B3GALT1: variants seen among roughly 807,000 people sequenced by gnomAD.
B3GALT1 encodes beta-1,3-galactosyltransferase 1, also known as UDP-Gal:betaGlcNAc beta 1,3-galactosyltransferase, polypeptide 1.
A neutral mutation model predicts 23.2 loss-of-function variants in B3GALT1; 10 were observed. That is an observed-to-expected ratio of 0.43 (90% CI 0.27 to 0.73). The LOEUF (loss-of-function observed/expected upper bound fraction) is 0.73, where lower values mean the gene tolerates loss of function less well. B3GALT1 is among the 30% of genes least tolerant of loss of function. The pLI, the probability that B3GALT1 is intolerant of heterozygous loss-of-function variation, is 0.21. For synonymous variants in B3GALT1, 156 were observed against 141.5 expected (o/e 1.10, Z -0.73); for missense variants, 299 against 405.4 (o/e 0.74, Z 2.25).
At chr2:167,639,111 T>G (rs953828531) in intron 2 of B3GALT1, among the ~76,000 whole-genome samples, 1 of 151,972 alleles carries the variant, frequency 6.6e-6, no homozygotes, top group Non-Finnish European at 1.5e-5. Context: ...CCATAGGAGC[T>G]CAAATAAAAA....
intron 1 of B3GALT1, among the ~76,000 whole-genome samples, chr2:167,481,258 T>G (rs1406575316): frequency 6.6e-6 from 1 of 152,152 alleles, no homozygotes; most frequent in Non-Finnish European, 1.5e-5. Context: ...AATTCTTCAC[T>G]TAGTTTAATA....
intron 1 of B3GALT1, among the ~76,000 whole-genome samples, chr2:167,423,268 G>C (rs1698574786): frequency 6.6e-6 from 1 of 152,208 alleles, no homozygotes; most frequent in Non-Finnish European, 1.5e-5. Context: ...TACTGAGCCA[G>C]TGTCAGCCCT....
At chr2:167,533,399 A>G (rs1337575562) in intron 2 of B3GALT1, among the ~76,000 whole-genome samples, 5 of 152,056 alleles carry the variant, frequency 3.3e-5, no homozygotes, top group African/African-American at 1.2e-4. Context: ...ATCTATTAAT[A>G]GTGTGACTTT....
intron 1 of B3GALT1, among the ~76,000 whole-genome samples, chr2:167,411,251 C>A (rs191365409): frequency 9.2e-4 from 137 of 148,578 alleles, no homozygotes; most frequent in Admixed American, 3.7e-3. Flanking sequence ...ACAACAACAA[C>A]AAAAATCAAC....
At chr2:167,527,722 T>G (rs1038560041) in intron 2 of B3GALT1, among the ~76,000 whole-genome samples, 3 of 152,198 alleles carry the variant, frequency 2.0e-5, no homozygotes, top group Non-Finnish European at 4.4e-5. Flanking sequence ...TTCATAATCT[T>G]ATACAATCCC....
intron 2 of B3GALT1, among the ~76,000 whole-genome samples, chr2:167,593,306 A>G (rs1487772499): frequency 6.6e-6 from 1 of 152,240 alleles, no homozygotes; most frequent in African/African-American, 2.4e-5. Context: ...ATATATCAAT[A>G]TAGATCCCAA....
intron 3 of B3GALT1, among the ~76,000 whole-genome samples, chr2:167,796,137 C>T (rs931457409): frequency 6.6e-6 from 1 of 152,116 alleles, no homozygotes; most frequent in Non-Finnish European, 1.5e-5. Context: ...GTGAGAAACA[C>T]GTTTATTACT....
chr2:167,833,492 G>GTGAT (rs1689393122), intron 4 of B3GALT1, among the ~76,000 whole-genome samples: 3 of 152,230 alleles, frequency 2.0e-5, no homozygotes. Context: ...AGATGTTTCA[G>GTGAT]TGATAATGAA....
chr2:167,776,888 C>A (rs530280590), intron 3 of B3GALT1, among the ~76,000 whole-genome samples: 2 of 152,166 alleles, frequency 1.3e-5, no homozygotes, highest in African/African-American at 2.4e-5. Context: ...TGAAAAAAAA[C>A]CTTACTTTTA....
intron 3 of B3GALT1, among the ~76,000 whole-genome samples, chr2:167,763,978 A>C (rs886555636): frequency 5.3e-5 from 8 of 152,204 alleles, no homozygotes; most frequent in African/African-American, 1.9e-4. Context: ...TGCTTTTGGA[A>C]ATGAAATCAC....
rs542097336 is a variant in B3GALT1 at position 167,804,548 on chromosome 2, A to G, written c.-351-14124A>G. The stretch of plus-strand genomic sequence containing the variant: ...TGTGTCCATGTGTTCTCATTGTTCA[A>G]TTCCCACCTATGAGTGAGAACATGC... On this transcript the variant is annotated intron_variant, in intron 3 of 4. Coordinates refer to ENST00000392690, the MANE Select transcript of B3GALT1 (RefSeq NM_020981.4). Among the ~76,000 whole-genome samples the G allele has an allele frequency of 5.3e-5, 8 of 151,994 alleles. No homozygotes were observed. In the East Asian group the frequency reaches 9.7e-4, roughly 18 times the overall value.
chr2:167,684,774 GA>G (rs1421168610), intron 3 of B3GALT1, among the ~76,000 whole-genome samples: 1 of 152,182 alleles, frequency 6.6e-6, no homozygotes, highest in Non-Finnish European at 1.5e-5. Context: ...ATTAAAGAAA[GA>G]AAAGGTAACT....
At chr2:167,709,426 T>C (rs1558955670) in intron 3 of B3GALT1, among the ~76,000 whole-genome samples, 1 of 152,156 alleles carries the variant, frequency 6.6e-6, no homozygotes. Context: ...TTTAATAAAA[T>C]CCACAGGTGT....
chr2:167,761,921 C>T (rs780515407), intron 3 of B3GALT1, among the ~76,000 whole-genome samples: 43 of 152,088 alleles, frequency 2.8e-4, no homozygotes, highest in Admixed American at 2.6e-4. Flanking sequence ...ACCTCTTTTT[C>T]GTTGTTGACT....
At position 167,870,021 on chromosome 2, in the gene B3GALT1, G is replaced by C; in HGVS notation, c.*1G>C. ...AAGCAAGAAACATCTCAGATGTTAG[G>C]ATTTTTACCAATGTAAATATGTTTC... On this transcript the variant is annotated 3_prime_UTR_variant, in exon 5 of 5. Transcript: ENST00000392690. 1 of 1,584,644 alleles carries C rather than the reference G, an allele frequency of 6.3e-7. No homozygotes were observed. Among genetic ancestry groups the C allele is most frequent in the Non-Finnish European group, 8.6e-7 (1 of 1,162,452 alleles).
At chr2:167,604,160 G>A (rs114395456) in intron 2 of B3GALT1, among the ~76,000 whole-genome samples, 1,614 of 152,184 alleles carry the variant, frequency 0.011, 33 homozygotes, top group African/African-American at 0.037. Context: ...TAAGTATTCT[G>A]TTCCTAAATT....
chr2:167,346,858 G>C (rs1305072957), intron 1 of B3GALT1, among the ~76,000 whole-genome samples: 1 of 151,684 alleles, frequency 6.6e-6, no homozygotes, highest in African/African-American at 2.4e-5. Flanking sequence ...TATATGGAGG[G>C]GAAAAAACAA....
intron 1 of B3GALT1, among the ~76,000 whole-genome samples, chr2:167,416,090 C>A (rs1473129095): frequency 6.6e-6 from 1 of 152,144 alleles, no homozygotes; most frequent in African/African-American, 2.4e-5. Flanking sequence ...AGTGGCTGAG[C>A]AACTTTTGCT....
At chr2:167,850,292 A>T (rs1385167308) in intron 4 of B3GALT1, among the ~76,000 whole-genome samples, 1 of 152,326 alleles carries the variant, frequency 6.6e-6, no homozygotes, top group Admixed American at 6.5e-5. Flanking sequence ...CATATGAAAA[A>T]ATGCTCAACA....
Sources: gnomAD v4.1 joint callset for allele counts (sites outside exome capture counted in the v4.1 genomes callset) on GRCh38, gnomAD v4.1.1 for gene constraint, MANE v1.5 for transcripts, NCBI Gene and HGNC (gene_info 2026-07-23, HGNC 2026-07-21) for gene names.